Variants in SATL1 observed in about 807,000 individuals in gnomAD.
SATL1 encodes the protein spermidine/spermine N(1)-acetyltransferase-like protein 1.
Under a neutral mutation model 51.8 loss-of-function variants are expected in SATL1, and 47 were observed. The ratio of observed to expected loss-of-function variants is 0.91; its 90% CI spans 0.72 to 1.16. SATL1 has a LOEUF of 1.16. Ranked by LOEUF, SATL1 falls within the 50% of genes most tolerant of loss-of-function variation. SATL1 has a pLI of 0.00. For synonymous variants in SATL1, 176 were observed against 182.4 expected (o/e 0.97, Z 0.28); for missense variants, 520 against 526.4 (o/e 0.99, Z 0.12).
chrX:85,140,633 C>T (rs1926086910), intron 2 of SATL1, among the ~76,000 whole-genome samples: 2 of 112,131 alleles, frequency 1.8e-5, no homozygotes, highest in Non-Finnish European at 3.8e-5. Context: ...TTGCAGTCCA[C>T]ACTGAATTCC....
intron 2 of SATL1, among the ~76,000 whole-genome samples, chrX:85,199,118 C>T (rs1927639314): frequency 9.1e-6 from 1 of 110,348 alleles, no homozygotes. Flanking sequence ...GGATTACAGG[C>T]TTATTCATTC....
At chrX:85,110,760 C>T (rs7472265) in intron 2 of SATL1, among the ~76,000 whole-genome samples, 6,016 of 111,909 alleles carry the variant, frequency 0.054, 370 homozygotes, top group African/African-American at 0.18. Context: ...AGTCACATCG[C>T]GGAACTATGT....
At chrX:85,225,370 G>A (rs898414197) in intron 1 of SATL1, among the ~76,000 whole-genome samples, 9 of 112,215 alleles carry the variant, frequency 8.0e-5, no homozygotes, top group Non-Finnish European at 1.5e-4. Flanking sequence ...GGGGGAAACC[G>A]GGTAAATGGT....
chrX:85,100,663 T>G (rs1281402228), intron 4 of SATL1, among the ~76,000 whole-genome samples: 1 of 112,191 alleles, frequency 8.9e-6, no homozygotes, highest in Non-Finnish European at 1.9e-5. Context: ...CAGTCCCTAT[T>G]AGAATTCCAA....
At chrX:85,185,240 C>A (rs1927288005) in intron 2 of SATL1, among the ~76,000 whole-genome samples, 1 of 112,888 alleles carries the variant, frequency 8.9e-6, no homozygotes, top group African/African-American at 3.2e-5. Flanking sequence ...GACACAAGCA[C>A]CCCTGTGGCC....
chrX:85,174,876 C>T (rs1267014792), intron 2 of SATL1, among the ~76,000 whole-genome samples: 4 of 111,340 alleles, frequency 3.6e-5, no homozygotes, highest in Non-Finnish European at 7.5e-5. Context: ...CTAGTCTTAT[C>T]AGATATTAAA....
At chrX:85,153,189 G>C (rs1926506961) in intron 2 of SATL1, among the ~76,000 whole-genome samples, 2 of 110,347 alleles carry the variant, frequency 1.8e-5, no homozygotes, top group South Asian at 7.7e-4. Context: ...GATGGGGGCA[G>C]GTAGATTTTG....
intron 1 of SATL1, among the ~76,000 whole-genome samples, chrX:85,239,577 G>C (rs1928545565): frequency 9.0e-6 from 1 of 111,632 alleles, no homozygotes; most frequent in Non-Finnish European, 1.9e-5. Context: ...CAAAAACAAA[G>C]AGGAATCACA....
chrX:85,111,274 G>A (rs1400692093), intron 2 of SATL1, among the ~76,000 whole-genome samples: 2 of 111,555 alleles, frequency 1.8e-5, no homozygotes, highest in African/African-American at 6.7e-5. Flanking sequence ...TTCTTTACAT[G>A]AGTTGAAGAC....
intron 2 of SATL1, among the ~76,000 whole-genome samples, chrX:85,139,273 A>T (rs1299127282): frequency 8.9e-6 from 1 of 111,753 alleles, no homozygotes; most frequent in Non-Finnish European, 1.9e-5. Flanking sequence ...ACTGTGGTAA[A>T]TACACACATG....
rs1304881888 is a variant in SATL1 at position 85,131,485 on chromosome X, T to A, written c.-312-22205A>T. Among the ~76,000 whole-genome samples the A allele has an allele frequency of 2.7e-5, 3 of 110,781 alleles. No homozygotes were observed. In the Admixed American group the frequency reaches 2.9e-4, roughly 11 times the overall value. ...GGATTGCAACCTCTGCTTTTTTTTT[T>A]CTTTCCATTTGCTTGGTAGATCTTC... On this transcript the variant is annotated intron_variant, in intron 2 of 7. Transcript: ENST00000644105.
intron 4 of SATL1, among the ~76,000 whole-genome samples, chrX:85,101,295 T>A (rs1448859357): frequency 8.9e-6 from 1 of 112,230 alleles, no homozygotes; most frequent in Non-Finnish European, 1.9e-5. Flanking sequence ...TAACATCTGA[T>A]AAGGGATTAA....
intron 2 of SATL1, among the ~76,000 whole-genome samples, chrX:85,177,129 T>C (rs779687182): frequency 3.3e-4 from 37 of 111,652 alleles, no homozygotes; most frequent in Non-Finnish European, 5.9e-4. Context: ...TAAACAGAGT[T>C]GAAGAGACTA....
intron 1 of SATL1, among the ~76,000 whole-genome samples, chrX:85,230,888 C>T (rs1928367712): frequency 8.9e-6 from 1 of 112,013 alleles, no homozygotes; most frequent in Non-Finnish European, 1.9e-5. Flanking sequence ...AACATCACAT[C>T]TGTTAGAATG....
intron 1 of SATL1, among the ~76,000 whole-genome samples, chrX:85,241,525 C>T (rs1263626596): frequency 2.7e-5 from 3 of 112,059 alleles, no homozygotes; most frequent in African/African-American, 9.7e-5. Context: ...TCCAAAATAG[C>T]ATAAACAGCC....
intron 2 of SATL1, among the ~76,000 whole-genome samples, chrX:85,137,571 G>A (rs964554609): frequency 9.0e-6 from 1 of 110,768 alleles, no homozygotes; most frequent in Non-Finnish European, 1.9e-5. Flanking sequence ...CCCCACTCTG[G>A]CTTCTTTCAA....
chrX:85,242,269 T>C (rs1928627405), intron 1 of SATL1, among the ~76,000 whole-genome samples: 1 of 112,111 alleles, frequency 8.9e-6, no homozygotes, highest in South Asian at 3.7e-4. Context: ...ATAAGTAGTA[T>C]TTGCCAGACT....
At chrX:85,232,208 G>A (rs931425374) in intron 1 of SATL1, among the ~76,000 whole-genome samples, 2 of 109,367 alleles carry the variant, frequency 1.8e-5, no homozygotes, top group Admixed American at 2.0e-4. Flanking sequence ...AAGCTTAAAG[G>A]GAAGAACCCA....
intron 2 of SATL1, among the ~76,000 whole-genome samples, chrX:85,199,121 A>T (rs1316771656): frequency 9.1e-6 from 1 of 109,846 alleles, no homozygotes; most frequent in African/African-American, 3.3e-5. Flanking sequence ...TTACAGGCTT[A>T]TTCATTCTTT....
Sources: allele counts gnomAD v4.1 joint callset (sites outside exome capture counted in the v4.1 genomes callset), GRCh38; gene constraint gnomAD v4.1.1; transcripts MANE v1.5; gene names NCBI Gene and HGNC (gene_info 2026-07-23, HGNC 2026-07-21).